The following COL4A3 variants were observed in gnomAD, a reference collection of about 807,000 sequenced individuals.
The protein encoded by COL4A3 is collagen type IV alpha 3 chain.
A neutral mutation model predicts 217.4 loss-of-function variants in COL4A3; 135 were observed. The observed-to-expected ratio is 0.62, with a 90% CI of 0.54 to 0.72. The LOEUF (loss-of-function observed/expected upper bound fraction) is 0.72. COL4A3 is among the 30% of genes least tolerant of loss of function. COL4A3 has a pLI of 0.00. For missense variants in COL4A3, 1,868 were observed against 2,119.9 expected, an observed-to-expected ratio of 0.88 and a Z score of 2.33; for synonymous variants, 690 against 736.3, an observed-to-expected ratio of 0.94 and a Z score of 1.02.
At chr2:227,233,398 T>A (rs967837160) in intron 1 of COL4A3, among the ~76,000 whole-genome samples, 1 of 152,098 alleles carries the variant, frequency 6.6e-6, no homozygotes, top group Non-Finnish European at 1.5e-5. Context: ...TTAGCAGGAA[T>A]GATGCCACTG....
intron 28 of COL4A3, 183 bp from the exon 29 acceptor site, chr2:227,279,610 C>A: frequency 1.7e-6 from 1 of 572,350 alleles, no homozygotes; most frequent in East Asian, 2.9e-5. Flanking sequence ...GTTATTTTTT[C>A]AAATAGGAAC....
intron 25 of COL4A3, among the ~76,000 whole-genome samples, chr2:227,271,766 C>T (rs962171281): frequency 1.3e-5 from 2 of 152,086 alleles, no homozygotes; most frequent in African/African-American, 4.8e-5. Context: ...GCTACTGCAC[C>T]CAGACCTAAG....
chr2:227,183,574 G>T (rs2065924620), intron 1 of COL4A3, among the ~76,000 whole-genome samples: 1 of 152,098 alleles, frequency 6.6e-6, no homozygotes, highest in South Asian at 2.1e-4. Flanking sequence ...AAACTTGGTG[G>T]AGTTACCAAA....
chr2:227,265,671 G>A (rs1378469459), intron 21 of COL4A3, among the ~76,000 whole-genome samples: 1 of 152,128 alleles, frequency 6.6e-6, no homozygotes, highest in Admixed American at 6.5e-5. Flanking sequence ...TATATATTAA[G>A]CATCTACAGT....
At chr2:227,212,784 C>T (rs1383134110) in intron 1 of COL4A3, among the ~76,000 whole-genome samples, 3 of 152,302 alleles carry the variant, frequency 2.0e-5, no homozygotes, top group East Asian at 1.9e-4. Context: ...CCCCAGTGCA[C>T]GTTATTGCTC....
intron 1 of COL4A3, among the ~76,000 whole-genome samples, chr2:227,181,877 C>T (rs950937337): frequency 2.6e-5 from 4 of 152,030 alleles, no homozygotes; most frequent in African/African-American, 9.7e-5. Flanking sequence ...TTTTATACTG[C>T]AAGTTCTCCT....
intron 18 of COL4A3, 66 bp from the exon 19 acceptor site, chr2:227,259,727 A>T: frequency 8.7e-7 from 1 of 1,154,286 alleles, no homozygotes; most frequent in Non-Finnish European, 1.3e-6. Flanking sequence ...AACTGAAGTA[A>T]TGATGTTTGG....
intron 5 of COL4A3, 38 bp from the exon 6 acceptor site, chr2:227,245,916 G>C: frequency 6.5e-7 from 1 of 1,542,016 alleles, no homozygotes; most frequent in South Asian, 1.1e-5. Context: ...GCTGTTTCTT[G>C]GGATGACCCT....
intron 1 of COL4A3, among the ~76,000 whole-genome samples, chr2:227,168,467 T>C (rs2065355707): frequency 2.0e-5 from 3 of 152,202 alleles, no homozygotes; most frequent in Admixed American, 2.0e-4. Flanking sequence ...TTTCTGTCTG[T>C]TTATCTATTG....
chr2:227,218,080 C>CTATA (rs10606625), intron 1 of COL4A3, among the ~76,000 whole-genome samples: 16,722 of 118,148 alleles, frequency 0.14, 1,153 homozygotes, highest in East Asian at 0.25. Flanking sequence ...ATATATATAG[C>CTATA]TATATATATA....
intron 1 of COL4A3, among the ~76,000 whole-genome samples, chr2:227,222,952 AC>A (rs2067893099): frequency 6.6e-6 from 1 of 152,240 alleles, no homozygotes; most frequent in South Asian, 2.1e-4. Context: ...CTTTTAATCA[AC>A]CAAGTGACAT....
chr2:227,164,839 C>A lies in COL4A3; in HGVS notation c.87+26C>A, dbSNP rs956281963. 65 of 1,494,342 alleles carry A rather than the reference C, an allele frequency of 4.3e-5. No individual in the cohort carries two copies. The Admixed American group carries it at 1.3e-3, about 30-fold the overall frequency. 92.6% of individuals were successfully genotyped at this position (1,494,342 alleles called of 1,614,324 possible). On this transcript the variant is annotated intron_variant, in intron 1 of 51. Coordinates refer to ENST00000396578, the MANE Select transcript of COL4A3 (RefSeq NM_000091.5). This position sits in a 1 kb window ranked among gnomAD's most constrained non-coding sequence, Gnocchi z 4.8. ...GTGAGTGGGGGCTGCGCGACCCCCACCCCCGCACTTCCATCCCTCCTCCAC... is the reference window on the plus strand; with the variant it reads ...GTGAGTGGGGGCTGCGCGACCCCCAACCCCGCACTTCCATCCCTCCTCCAC...
In COL4A3 at chr2:227,256,108, G is replaced by A. The variant is rs780290618; in HGVS notation, c.933+38G>A. 5 of 1,581,496 alleles carry A rather than the reference G, an allele frequency of 3.2e-6. No individual in the cohort carries two copies. The African/African-American group carries it at 4.0e-5, about 13-fold the overall frequency. ...TTTGGCCTATGGAGGTAGTAAAAAT[G>A]TCAGTCCTACTAGCTGAAGAAGGAT... On this transcript the variant is annotated intron_variant, in intron 16 of 51. Transcript: ENST00000396578.
In COL4A3 at chr2:227,246,024, C is replaced by T. The variant is rs1264984627; in HGVS notation, c.387+8C>T. ...GGATGCAGTGGTTCTAAGGTAAGTA[C>T]TTTTCACACAGAAGATGATTAATAA... On this transcript the variant is annotated splice_region_variant and intron_variant, in intron 6 of 51. Coordinates refer to ENST00000396578, the MANE Select transcript of COL4A3 (RefSeq NM_000091.5). The T allele has an allele frequency of 5.0e-6, 8 of 1,601,618 alleles. No homozygotes were observed. Among genetic ancestry groups the T allele is most frequent in the Non-Finnish European group, 6.8e-6 (8 of 1,168,686 alleles).
At position 227,279,790 on chromosome 2, in the gene COL4A3, T is replaced by C. The variant is rs966824777; in HGVS notation, c.2126-3T>C. ...AACAATGTTTATTGTTTTTTCTCTG[T>C]AGGAGACCAAGGTTTTCCAGGTACA... is the stretch of plus-strand genomic sequence containing the variant. On this transcript the variant is annotated splice_region_variant and splice_polypyrimidine_tract_variant and intron_variant, in intron 28 of 51. Coordinates refer to ENST00000396578, the MANE Select transcript of COL4A3 (RefSeq NM_000091.5). 5.0e-6 allele frequency: 8 copies of C among 1,599,988 alleles called. No homozygotes were observed. The highest frequency in any genetic ancestry group is 1.7e-5 in the Admixed American group (1 of 58,898).
chr2:227,208,068 T>C (rs1479172783), intron 1 of COL4A3, among the ~76,000 whole-genome samples: 2 of 149,328 alleles, frequency 1.3e-5, no homozygotes, highest in Non-Finnish European at 3.0e-5. Flanking sequence ...CTGAGGAAAT[T>C]ATGACAGTGA....
At chr2:227,221,879 A>C (rs2125824276) in intron 1 of COL4A3, among the ~76,000 whole-genome samples, 1 of 151,690 alleles carries the variant, frequency 6.6e-6, no homozygotes, top group Non-Finnish European at 1.5e-5. Flanking sequence ...GACATTAGGA[A>C]AAAAAAAGTG....
chr2:227,261,285 G>GA (rs1295121861), intron 20 of COL4A3, among the ~76,000 whole-genome samples, 168 bp downstream of exon 20: 1 of 152,218 alleles, frequency 6.6e-6, no homozygotes, highest in African/African-American at 2.4e-5. Flanking sequence ...AGCATTTTGG[G>GA]AGACCACGGC....
intron 1 of COL4A3, chr2:227,237,730 T>C: frequency 2.4e-6 from 1 of 415,044 alleles, no homozygotes; most frequent in Non-Finnish European, 4.6e-6. Flanking sequence ...CCAAGTACAA[T>C]ACAAATGATG....
Sources: allele counts gnomAD v4.1 joint callset (sites outside exome capture counted in the v4.1 genomes callset), GRCh38; gene constraint gnomAD v4.1.1; non-coding constraint Gnocchi (gnomAD v3.1); transcripts MANE v1.5; gene names NCBI Gene and HGNC (gene_info 2026-07-23, HGNC 2026-07-21).